Variants in LRRTM4 observed in about 807,000 individuals in gnomAD.
LRRTM4 encodes the protein leucine-rich repeat transmembrane neuronal protein 4.
Under a neutral mutation model 47.6 loss-of-function variants are expected in LRRTM4, and 25 were observed. The observed-to-expected ratio is 0.53, with a 90% CI of 0.38 to 0.73. LRRTM4 has a LOEUF of 0.73. Ranked by LOEUF, LRRTM4 falls within the 30% of genes least tolerant of loss-of-function variation. The probability of loss-of-function intolerance (pLI) is 0.00; values close to 1 mark genes in which losing one functional copy is unlikely to be tolerated. For missense variants in LRRTM4, 638 were observed against 713.4 expected, an observed-to-expected ratio of 0.89 and a Z score of 1.20; for synonymous variants, 311 against 269.5, an observed-to-expected ratio of 1.15 and a Z score of -1.51.
Position 76,895,612 on chromosome 2 carries a change from A to AT in LRRTM4, c.1552-146697dup, listed in dbSNP as rs1380315449. 2.0e-5 allele frequency among the ~76,000 whole-genome samples: 3 copies of AT among 151,966 alleles called. No homozygotes were observed. The East Asian group carries it at 5.8e-4, about 29-fold the overall frequency. On this transcript the variant is annotated intron_variant, in intron 3 of 3. Transcript: ENST00000409884. ...CCTCTACTTTTACCTTGAACTCTAG[A>AT]TCTGTCCATGATCTACCCATAAATC...
At chr2:76,909,805 C>T (rs989371628) in intron 3 of LRRTM4, among the ~76,000 whole-genome samples, 30 of 152,178 alleles carry the variant, frequency 2.0e-4, no homozygotes, top group African/African-American at 7.2e-4. Flanking sequence ...GATATCATCT[C>T]ACACCAGTTA....
At chr2:76,786,713 T>A (rs1239100852) in intron 3 of LRRTM4, among the ~76,000 whole-genome samples, 5 of 152,066 alleles carry the variant, frequency 3.3e-5, no homozygotes, top group Non-Finnish European at 7.4e-5. Context: ...AGTGGTTCCC[T>A]TTCAATTTGT....
At chr2:76,911,495 T>C (rs1488827378) in intron 3 of LRRTM4, among the ~76,000 whole-genome samples, 1 of 152,222 alleles carries the variant, frequency 6.6e-6, no homozygotes, top group East Asian at 1.9e-4. Flanking sequence ...TTAAATCCAG[T>C]ATATCAGAAT....
chr2:77,328,834 C>T (rs1285691531), intron 3 of LRRTM4, among the ~76,000 whole-genome samples: 2 of 152,250 alleles, frequency 1.3e-5, no homozygotes, highest in African/African-American at 4.8e-5. Flanking sequence ...TGCTTCAGTG[C>T]TGATATCTCG....
chr2:77,102,673 G>C (rs1429256034), intron 3 of LRRTM4, among the ~76,000 whole-genome samples: 1 of 152,136 alleles, frequency 6.6e-6, no homozygotes, highest in African/African-American at 2.4e-5. Flanking sequence ...GCAGGAAAAA[G>C]ACTGAAGAAA....
At chr2:76,935,414 A>T (rs529110158) in intron 3 of LRRTM4, among the ~76,000 whole-genome samples, 1 of 152,134 alleles carries the variant, frequency 6.6e-6, no homozygotes, top group African/African-American at 2.4e-5. Context: ...TGATGGGAAT[A>T]GCATTGCATC....
intron 3 of LRRTM4, among the ~76,000 whole-genome samples, chr2:76,778,557 T>G (rs567915671): frequency 6.6e-6 from 1 of 152,024 alleles, no homozygotes; most frequent in East Asian, 1.9e-4. Flanking sequence ...TAGAGGTGTT[T>G]GTAGTATTCT....
Position 76,918,600 on chromosome 2 carries a change from A to T in LRRTM4, c.1552-169684T>A, listed in dbSNP as rs543526953. Among the ~76,000 whole-genome samples the T allele has an allele frequency of 3.9e-5, 6 of 152,148 alleles. No individual in the cohort carries two copies. In the South Asian group the frequency reaches 1.2e-3, roughly 32 times the overall value. Reference sequence around the variant, plus strand: ...CATTTCACATAAATGAGAGGGGGAAAATTTAAAAATACAGACGAACCCGGA... The same window carrying T: ...CATTTCACATAAATGAGAGGGGGAATATTTAAAAATACAGACGAACCCGGA... On this transcript the variant is annotated intron_variant, in intron 3 of 3. Transcript: ENST00000409884.
At chr2:77,036,951 A>C (rs980724167) in intron 3 of LRRTM4, among the ~76,000 whole-genome samples, 5 of 151,688 alleles carry the variant, frequency 3.3e-5, no homozygotes, top group Non-Finnish European at 7.4e-5. Flanking sequence ...ATTGACCCCT[A>C]CTTAATTCCA....
chr2:76,842,851 T>A (rs1671725674), intron 3 of LRRTM4, among the ~76,000 whole-genome samples: 1 of 152,186 alleles, frequency 6.6e-6, no homozygotes, highest in Admixed American at 6.5e-5. Context: ...TAACCTCCAA[T>A]TTTCTTATGA....
At chr2:77,078,344 T>C (rs933290968) in intron 3 of LRRTM4, among the ~76,000 whole-genome samples, 1 of 150,758 alleles carries the variant, frequency 6.6e-6, no homozygotes, top group African/African-American at 2.5e-5. Flanking sequence ...AAGATAATTT[T>C]ATTGAAAAAA....
At chr2:76,850,152 C>T (rs1408994019) in intron 3 of LRRTM4, among the ~76,000 whole-genome samples, 3 of 152,116 alleles carry the variant, frequency 2.0e-5, no homozygotes, top group Admixed American at 6.6e-5. Context: ...AAACCCATTA[C>T]TTTCTCCAAA....
chr2:77,317,962 T>G (rs1573243878), intron 3 of LRRTM4, among the ~76,000 whole-genome samples: 2 of 152,242 alleles, frequency 1.3e-5, no homozygotes, highest in South Asian at 4.1e-4. Flanking sequence ...ATTATTGTTT[T>G]TATCTCTAAA....
At chr2:77,122,029 C>A (rs905652501) in intron 3 of LRRTM4, among the ~76,000 whole-genome samples, 4 of 151,702 alleles carry the variant, frequency 2.6e-5, no homozygotes, top group African/African-American at 9.7e-5. Context: ...TAGACATGAA[C>A]AATGTTTACA....
chr2:77,360,549 C>CA (rs1672168737), intron 3 of LRRTM4, among the ~76,000 whole-genome samples: 103 of 48,826 alleles, frequency 2.1e-3, no homozygotes, highest in Non-Finnish European at 2.9e-3. Flanking sequence ...TACAATCATT[C>CA]ATACATACAT....
At chr2:76,889,519 A>G (rs1171190493) in intron 3 of LRRTM4, among the ~76,000 whole-genome samples, 1 of 151,936 alleles carries the variant, frequency 6.6e-6, no homozygotes, top group African/African-American at 2.4e-5. Context: ...TTTGATTTAT[A>G]TGAGTTTGAA....
At chr2:77,111,814 A>G (rs1341890979) in intron 3 of LRRTM4, among the ~76,000 whole-genome samples, 3 of 152,154 alleles carry the variant, frequency 2.0e-5, no homozygotes, top group Non-Finnish European at 4.4e-5. Context: ...AAAAAGGTGG[A>G]CGTTTTTGAC....
In LRRTM4 at chr2:77,083,783, C is replaced by CTTT. The variant is rs386390525; in HGVS notation, c.1552-334870_1552-334868dup. ...ACTTCTCAATTTTTAACTGGACACA[C>CTTT]TTTTTTTTTTTTTTTTTTTTTTTTT... On this transcript the variant is annotated intron_variant, in intron 3 of 3. Coordinates refer to ENST00000409884, the MANE Select transcript of LRRTM4 (RefSeq NM_001134745.3). Among the ~76,000 whole-genome samples, 101 of 52,378 alleles carry CTTT rather than the reference C, an allele frequency of 1.9e-3. 19 individuals are homozygous for CTTT. Among genetic ancestry groups the CTTT allele is most frequent in the Non-Finnish European group, 2.6e-3 (62 of 23,534 alleles). The allele number at this position is 52,378 out of a possible 152,430, so 34.4% of individuals were successfully genotyped here. A position where few individuals can be genotyped will look rare whatever the true frequency, so the allele number is the denominator to read the frequency against.
chr2:76,950,263 G>A (rs115249795), intron 3 of LRRTM4, among the ~76,000 whole-genome samples: 2,492 of 151,914 alleles, frequency 0.016, 68 homozygotes, highest in African/African-American at 0.057. Flanking sequence ...CACCTCAAAG[G>A]TCTCTATGGT....
Sources: gnomAD v4.1 joint callset for allele counts (sites outside exome capture counted in the v4.1 genomes callset) on GRCh38, gnomAD v4.1.1 for gene constraint, MANE v1.5 for transcripts, NCBI Gene and HGNC (gene_info 2026-07-23, HGNC 2026-07-21) for gene names.